GLDC: variants seen among roughly 807,000 people sequenced by gnomAD.
The protein encoded by GLDC is glycine decarboxylase.
Under a neutral mutation model 121.3 loss-of-function variants are expected in GLDC, and 104 were observed. That is an observed-to-expected ratio of 0.86 (90% CI 0.73 to 1.01). GLDC has a LOEUF of 1.01. Ranked by LOEUF, GLDC falls within the 50% of genes least tolerant of loss-of-function variation. The pLI is 0.00. For synonymous variants in GLDC, 546 were observed against 480.6 expected (o/e 1.14, Z -1.78); for missense variants, 1,429 against 1,306.6 (o/e 1.09, Z -1.44).
chr9:6,534,834 T>G (rs1206863667), intron 23 of GLDC, 46 bp from the exon 24 acceptor site: 4 of 998,078 alleles, frequency 4.0e-6, no homozygotes, highest in East Asian at 2.4e-5. Context: ...CAATACACTC[T>G]CTTCTCCTCC....
At chr9:6,544,911 C>A (rs1817354970) in intron 21 of GLDC, among the ~76,000 whole-genome samples, 2 of 151,982 alleles carry the variant, frequency 1.3e-5, no homozygotes, top group South Asian at 4.1e-4. Flanking sequence ...ACCAGCCTGA[C>A]CAACAAGGAG....
At chr9:6,605,560 C>A (rs1818713412) in intron 5 of GLDC, among the ~76,000 whole-genome samples, 1 of 152,174 alleles carries the variant, frequency 6.6e-6, no homozygotes, top group Non-Finnish European at 1.5e-5. Context: ...AGCATTGCTT[C>A]CTAGGGCTAA....
intron 15 of GLDC, chr9:6,565,771 C>A (rs1817843732): frequency 1.9e-6 from 1 of 526,538 alleles, no homozygotes; most frequent in South Asian, 2.6e-5. Flanking sequence ...ACAAAAGGAA[C>A]TACGACGTGT....
intron 15 of GLDC, among the ~76,000 whole-genome samples, chr9:6,573,730 C>T (rs766695804): frequency 2.6e-5 from 4 of 152,162 alleles, no homozygotes; most frequent in South Asian, 2.1e-4. Context: ...GCTAAGAAAC[C>T]GATACGGTAA....
At chr9:6,643,976 G>C (rs373174941) in intron 2 of GLDC, among the ~76,000 whole-genome samples, 3 of 124,952 alleles carry the variant, frequency 2.4e-5, no homozygotes, top group African/African-American at 9.5e-5. Flanking sequence ...GGAGGTTGCA[G>C]TGAGCCGAGA....
chr9:6,604,840 G>A, intron 6 of GLDC, 56 bp from the exon 7 acceptor site: 1 of 1,371,446 alleles, frequency 7.3e-7, no homozygotes, highest in Non-Finnish European at 1.0e-6. Flanking sequence ...TGAGAGTAGT[G>A]GGAGAGTAGG....
rs553082345 is a variant in GLDC at position 6,537,250 on chromosome 9, C to T, written c.2666-1014G>A. Among the ~76,000 whole-genome samples, 3 of 152,172 alleles carry T rather than the reference C, an allele frequency of 2.0e-5. No homozygotes were observed. In the South Asian group the frequency reaches 6.2e-4, roughly 32 times the overall value. On this transcript the variant is annotated intron_variant, in intron 22 of 24. Transcript: ENST00000321612. The stretch of plus-strand genomic sequence containing the variant: ...TCACCATGTTGTCCGGGCTACCGAG[C>T]TCAAGCGATCTGCCTGTCTCTGCCT...
chr9:6,619,742 CG>C (rs1819044469), intron 3 of GLDC, among the ~76,000 whole-genome samples: 3 of 151,964 alleles, frequency 2.0e-5, no homozygotes, highest in Admixed American at 2.0e-4. Context: ...GGGTGGTAGG[CG>C]GGGAATCCTG....
intron 22 of GLDC, among the ~76,000 whole-genome samples, chr9:6,536,969 C>A (rs80107582): frequency 3.3e-5 from 5 of 151,538 alleles, no homozygotes; most frequent in African/African-American, 1.2e-4. Flanking sequence ...AGTCAAGAGA[C>A]AGATTTCCAG....
At chr9:6,600,535 G>C (rs1818584092) in intron 8 of GLDC, among the ~76,000 whole-genome samples, 1 of 152,026 alleles carries the variant, frequency 6.6e-6, no homozygotes, top group South Asian at 2.1e-4. Context: ...AATTATCTGG[G>C]TGTGGTGGCC....
intron 22 of GLDC, among the ~76,000 whole-genome samples, chr9:6,537,692 G>T (rs1301368971): frequency 6.6e-6 from 1 of 151,970 alleles, no homozygotes; most frequent in Non-Finnish European, 1.5e-5. Flanking sequence ...GAGGTGGGAG[G>T]ATCACTTGAA....
intron 7 of GLDC, among the ~76,000 whole-genome samples, chr9:6,604,194 C>T (rs745545101): frequency 1.3e-5 from 2 of 152,118 alleles, no homozygotes; most frequent in Non-Finnish European, 2.9e-5. Flanking sequence ...GGAAGGAACG[C>T]GGAGCAAACT....
intron 15 of GLDC, among the ~76,000 whole-genome samples, chr9:6,582,109 G>T (rs1331239718): frequency 1.3e-5 from 2 of 151,644 alleles, no homozygotes; most frequent in Non-Finnish European, 2.9e-5. Flanking sequence ...CAGCTACTTG[G>T]GAGGCCAAGG....
rs1025807450 is a variant in GLDC at position 6,639,668 on chromosome 9, AGTATATAT to A, written c.334+4938_334+4945del. 9 of 250,562 alleles carry A rather than the reference AGTATATAT, an allele frequency of 3.6e-5. 1 individual carries two copies. In the East Asian group the frequency reaches 8.0e-4, roughly 22 times the overall value. The allele number at this position is 250,562 out of a possible 1,614,324, so 15.5% of individuals were successfully genotyped here. A position where few individuals can be genotyped will look rare whatever the true frequency, so the allele number is the denominator to read the frequency against. On this transcript the variant is annotated intron_variant, in intron 2 of 24. Coordinates refer to ENST00000321612, the MANE Select transcript of GLDC (RefSeq NM_000170.3). ...ATATATCTTTTCACCATAAAAAAAA[AGTATATAT>A]ATATATATATATGGACAAAACAGAT...
chr9:6,631,833 A>G (rs962947620), intron 2 of GLDC, among the ~76,000 whole-genome samples: 1 of 152,184 alleles, frequency 6.6e-6, no homozygotes, highest in African/African-American at 2.4e-5. Flanking sequence ...TTGGGAGGCT[A>G]AGGGAGGAGG....
At chr9:6,535,935 CAG>C in intron 23 of GLDC, 127 bp downstream of exon 23, 1 of 841,366 alleles carries the variant, frequency 1.2e-6, no homozygotes, top group Non-Finnish European at 2.0e-6. Flanking sequence ...TGCATCTTCT[CAG>C]AAGAATTACC....
chr9:6,601,910 C>T (rs192011528), intron 8 of GLDC, among the ~76,000 whole-genome samples, 199 bp downstream of exon 8: 2 of 152,310 alleles, frequency 1.3e-5, no homozygotes, highest in East Asian at 1.9e-4. Context: ...GGATTACAGG[C>T]ATGAGCCACC....
intron 15 of GLDC, among the ~76,000 whole-genome samples, chr9:6,573,441 A>T (rs1009756278): frequency 6.6e-6 from 1 of 152,192 alleles, no homozygotes; most frequent in Non-Finnish European, 1.5e-5. Context: ...AGCCTGGGCA[A>T]CAGAGCAAGA....
chr9:6,637,665 C>A (rs1819533516), intron 2 of GLDC, among the ~76,000 whole-genome samples: 1 of 152,020 alleles, frequency 6.6e-6, no homozygotes, highest in East Asian at 1.9e-4. Flanking sequence ...CAGGGTTTTG[C>A]CACGTTGCCC....
Sources: allele counts gnomAD v4.1 joint callset (sites outside exome capture counted in the v4.1 genomes callset), GRCh38; gene constraint gnomAD v4.1.1; transcripts MANE v1.5; gene names NCBI Gene and HGNC (gene_info 2026-07-23, HGNC 2026-07-21).